The following PLCH1 variants were observed in gnomAD, a reference collection of about 807,000 sequenced individuals.
The protein encoded by PLCH1 is 1-phosphatidylinositol 4,5-bisphosphate phosphodiesterase eta-1.
In PLCH1, 60 loss-of-function variants were observed where a neutral mutation model predicts 126.7. That is an observed-to-expected ratio of 0.47 (90% CI 0.38 to 0.59). The LOEUF is 0.59. Ranked by LOEUF, PLCH1 falls within the 20% of genes least tolerant of loss-of-function variation. PLCH1 has a pLI of 0.00. For missense variants in PLCH1, 1,723 were observed against 2,040.0 expected, an observed-to-expected ratio of 0.84 and a Z score of 2.99; for synonymous variants, 719 against 734.9, an observed-to-expected ratio of 0.98 and a Z score of 0.35.
At chr3:155,690,815 T>C (rs570817488) in intron 2 of PLCH1, among the ~76,000 whole-genome samples, 20 of 152,220 alleles carry the variant, frequency 1.3e-4, no homozygotes, top group Non-Finnish European at 2.2e-4. Flanking sequence ...GGTGGTCTCC[T>C]AAAGCAATGC....
At chr3:155,741,684 C>CTTTTATTTTTT in intron 1 of PLCH1, among the ~76,000 whole-genome samples, 34 of 102,860 alleles carry the variant, frequency 3.3e-4, no homozygotes, top group Admixed American at 1.0e-3. Flanking sequence ...TTTATATCCT[C>CTTTTATTTTTT]TTTTTTTTTT....
intron 2 of PLCH1, among the ~76,000 whole-genome samples, chr3:155,660,442 A>G (rs73007038): frequency 0.012 from 1,882 of 152,304 alleles, 41 homozygotes; most frequent in African/African-American, 0.042. Flanking sequence ...CTTACACAAT[A>G]AAGACTTTTT....
At chr3:155,600,647 T>C (rs1229401527) in intron 2 of PLCH1, among the ~76,000 whole-genome samples, 1 of 151,064 alleles carries the variant, frequency 6.6e-6, no homozygotes, top group Admixed American at 6.6e-5. Context: ...TGCAGCAACA[T>C]CTACCAGCCC....
chr3:155,609,144 C>A (rs1734741447), intron 2 of PLCH1, among the ~76,000 whole-genome samples: 2 of 152,192 alleles, frequency 1.3e-5, no homozygotes, highest in South Asian at 4.1e-4. Context: ...GAGTCTACTT[C>A]ATTCCCTTGC....
intron 1 of PLCH1, among the ~76,000 whole-genome samples, chr3:155,740,300 A>G (rs80067814): frequency 0.012 from 1,853 of 151,764 alleles, 25 homozygotes; most frequent in East Asian, 0.038. Flanking sequence ...AATCCCAGTT[A>G]CTCAGGAGGC....
chr3:155,484,721 T>A (rs1392206289), intron 22 of PLCH1, among the ~76,000 whole-genome samples: 1 of 152,140 alleles, frequency 6.6e-6, no homozygotes, highest in East Asian at 1.9e-4. Flanking sequence ...GCTCCTGATA[T>A]GAGTCAATGA....
intron 1 of PLCH1, among the ~76,000 whole-genome samples, chr3:155,721,665 G>A (rs1747955747): frequency 6.6e-6 from 1 of 152,140 alleles, no homozygotes; most frequent in African/African-American, 2.4e-5. Context: ...ACCACAGTTA[G>A]ACTTCCTCTT....
At chr3:155,647,290 T>C (rs1740169014) in intron 2 of PLCH1, among the ~76,000 whole-genome samples, 1 of 151,780 alleles carries the variant, frequency 6.6e-6, no homozygotes, top group Admixed American at 6.6e-5. Flanking sequence ...CAAGCATTTG[T>C]CCTCTTAACG....
chr3:155,483,496 A>G, intron 22 of PLCH1: 1 of 466,654 alleles, frequency 2.1e-6, no homozygotes, highest in African/African-American at 2.0e-5. Flanking sequence ...TTAAAACAAA[A>G]AAAGAAGAAA....
chr3:155,551,558 C>T (rs1318779067), intron 9 of PLCH1, among the ~76,000 whole-genome samples: 1 of 145,686 alleles, frequency 6.9e-6, no homozygotes, highest in Non-Finnish European at 1.5e-5. Flanking sequence ...CCCCCCAGTA[C>T]AGGAGACGCT....
chr3:155,470,067 C>G (rs1324803745), intron 21 of PLCH1, among the ~76,000 whole-genome samples: 1 of 152,146 alleles, frequency 6.6e-6, no homozygotes, highest in Non-Finnish European at 1.5e-5. Context: ...CGGAACAAAG[C>G]TGGATGGAGA....
chr3:155,458,770 A>T (rs1344484562), intron 21 of PLCH1, among the ~76,000 whole-genome samples: 3 of 152,166 alleles, frequency 2.0e-5, no homozygotes, highest in African/African-American at 7.2e-5. Flanking sequence ...CTGAGATGCG[A>T]TGGTTTTATT....
intron 2 of PLCH1, among the ~76,000 whole-genome samples, chr3:155,647,995 G>T (rs1425074671): frequency 6.6e-6 from 1 of 152,172 alleles, no homozygotes; most frequent in African/African-American, 2.4e-5. Flanking sequence ...GTTTCAACCT[G>T]CTGTATTTAT....
At chr3:155,580,757 C>A (rs1044111085) in intron 6 of PLCH1, among the ~76,000 whole-genome samples, 7 of 152,046 alleles carry the variant, frequency 4.6e-5, no homozygotes, top group Admixed American at 4.6e-4. Context: ...AAATACGGCA[C>A]GATAATTGTA....
intron 10 of PLCH1, among the ~76,000 whole-genome samples, chr3:155,533,017 G>A (rs765413997): frequency 1.3e-5 from 2 of 152,210 alleles, no homozygotes; most frequent in Non-Finnish European, 1.5e-5. Flanking sequence ...TGATGGTGAT[G>A]TGAACAAAGA....
At chr3:155,531,118 A>C (rs760167831) in intron 10 of PLCH1, among the ~76,000 whole-genome samples, 19 of 152,308 alleles carry the variant, frequency 1.2e-4, no homozygotes, top group Admixed American at 3.3e-4. Context: ...CCATTTACAC[A>C]GTGCAGGCAG....
At chr3:155,557,816 C>A (rs986060859) in intron 8 of PLCH1, among the ~76,000 whole-genome samples, 3 of 152,152 alleles carry the variant, frequency 2.0e-5, no homozygotes, top group Admixed American at 2.0e-4. Context: ...AACATGACAG[C>A]TTTTCATAAT....
chr3:155,590,387 G>A (rs531646145), intron 4 of PLCH1, among the ~76,000 whole-genome samples: 1 of 152,234 alleles, frequency 6.6e-6, no homozygotes, highest in Non-Finnish European at 1.5e-5. Flanking sequence ...GACCATCCTA[G>A]CTAACACGGT....
chr3:155,612,919 A>G (rs1577141135), intron 2 of PLCH1, among the ~76,000 whole-genome samples: 1 of 151,446 alleles, frequency 6.6e-6, no homozygotes, highest in South Asian at 2.1e-4. Context: ...AAAAAAAAAA[A>G]AAAAAAGAAA....
Sources: allele counts gnomAD v4.1 joint callset (sites outside exome capture counted in the v4.1 genomes callset), GRCh38; gene constraint gnomAD v4.1.1; transcripts MANE v1.5; gene names NCBI Gene and HGNC (gene_info 2026-07-23, HGNC 2026-07-21).